PRKCB: variants seen among roughly 807,000 people sequenced by gnomAD.
The protein encoded by PRKCB is protein kinase C beta type.
Under a neutral mutation model 81.5 loss-of-function variants are expected in PRKCB, and 13 were observed. That is an observed-to-expected ratio of 0.16 (90% confidence interval 0.10 to 0.25). The LOEUF is 0.25. PRKCB is among the 10% of genes least tolerant of loss of function. The pLI is 1.00. For missense variants in PRKCB, 509 were observed against 875.7 expected (o/e 0.58, Z 5.29); for synonymous variants, 335 against 321.4 (o/e 1.04, Z -0.45).
intron 10 of PRKCB, among the ~76,000 whole-genome samples, chr16:24,159,181 G>A (rs1251880610): frequency 1.3e-5 from 2 of 152,150 alleles, no homozygotes; most frequent in African/African-American, 4.8e-5. Flanking sequence ...ACCATGCATG[G>A]GTCTTCAACA....
intron 16 of PRKCB, among the ~76,000 whole-genome samples, chr16:24,199,482 G>A (rs537201920): frequency 6.6e-6 from 1 of 152,146 alleles, no homozygotes; most frequent in Non-Finnish European, 1.5e-5. Flanking sequence ...TATGTTTGCT[G>A]TTAAAACTCC....
intron 4 of PRKCB, among the ~76,000 whole-genome samples, chr16:24,034,273 G>C (rs4787291): frequency 0.21 from 32,190 of 152,180 alleles, 3,817 homozygotes; most frequent in South Asian, 0.38. Context: ...TCTAGTTTTT[G>C]TAATAGGCCT....
chr16:23,846,915 C>G (rs1280335917), intron 2 of PRKCB, among the ~76,000 whole-genome samples: 1 of 151,940 alleles, frequency 6.6e-6, no homozygotes, highest in African/African-American at 2.4e-5. Context: ...TTGTTATTAC[C>G]TTTTAATTGC....
At chr16:24,189,048 A>C (rs921728209) in intron 15 of PRKCB, among the ~76,000 whole-genome samples, 1 of 152,188 alleles carries the variant, frequency 6.6e-6, no homozygotes, top group African/African-American at 2.4e-5. Context: ...CACAAATGTC[A>C]AGCCTTGGCT....
chr16:24,166,695 T>TC (rs1567399138), intron 10 of PRKCB, among the ~76,000 whole-genome samples: 1 of 152,178 alleles, frequency 6.6e-6, no homozygotes, highest in Non-Finnish European at 1.5e-5. Context: ...CTGTGGATTA[T>TC]CCACAGAAAC....
chr16:24,078,008 A>T (rs989702111), intron 5 of PRKCB, among the ~76,000 whole-genome samples: 2 of 152,212 alleles, frequency 1.3e-5, no homozygotes, highest in Admixed American at 6.5e-5. Flanking sequence ...GCTTCTGAAA[A>T]TTAAACCCAT....
chr16:23,883,466 T>C (rs773283637), intron 2 of PRKCB, among the ~76,000 whole-genome samples: 1 of 152,124 alleles, frequency 6.6e-6, no homozygotes, highest in Non-Finnish European at 1.5e-5. Flanking sequence ...GCCTCTGTGC[T>C]AAGTGCAGTG....
chr16:24,208,347 A>C (rs1968080186), intron 16 of PRKCB: 2 of 152,264 alleles, frequency 1.3e-5, no homozygotes. Flanking sequence ...ATTCAACAGC[A>C]AGACTCTGTT....
intron 5 of PRKCB, among the ~76,000 whole-genome samples, chr16:24,068,170 T>C (rs1966061624): frequency 6.6e-6 from 1 of 152,158 alleles, no homozygotes; most frequent in African/African-American, 2.4e-5. Context: ...TGAACCCCAA[T>C]TTTTGTTTCT....
At chr16:23,960,293 G>C (rs1049572219) in intron 2 of PRKCB, among the ~76,000 whole-genome samples, 13 of 152,056 alleles carry the variant, frequency 8.5e-5, no homozygotes, top group African/African-American at 2.9e-4. Flanking sequence ...CAGTACGGTG[G>C]TATCTTCAGA....
At chr16:24,169,520 C>G (rs139429613) in intron 10 of PRKCB, among the ~76,000 whole-genome samples, 1 of 152,170 alleles carries the variant, frequency 6.6e-6, no homozygotes, top group South Asian at 2.1e-4. Context: ...GAGGTGTGCT[C>G]TAGCCTCAGG....
At chr16:24,194,664 C>G (rs959301854) in intron 16 of PRKCB, among the ~76,000 whole-genome samples, 4 of 151,102 alleles carry the variant, frequency 2.6e-5, no homozygotes, top group African/African-American at 4.9e-5. Context: ...GAAAAGGTAG[C>G]TGTTATTATC....
chr16:23,895,886 T>C (rs927435534), intron 2 of PRKCB, among the ~76,000 whole-genome samples: 3 of 152,262 alleles, frequency 2.0e-5, no homozygotes, highest in Non-Finnish European at 2.9e-5. Flanking sequence ...TCCTATGTAA[T>C]ATTTTTATGC....
intron 7 of PRKCB, among the ~76,000 whole-genome samples, chr16:24,096,693 A>ATATATATATATATATG (rs1966449608): frequency 1.0e-5 from 1 of 98,274 alleles, no homozygotes; most frequent in South Asian, 3.5e-4. Context: ...ATATATATAT[A>ATATATATATATATATG]TATATATATA....
chr16:23,882,661 T>C (rs1963142230), intron 2 of PRKCB, among the ~76,000 whole-genome samples: 1 of 152,262 alleles, frequency 6.6e-6, no homozygotes, highest in Admixed American at 6.5e-5. Context: ...ACATTTTGCT[T>C]ATATATTAAT....
chr16:24,083,781 C>A (rs1371133018), intron 5 of PRKCB, among the ~76,000 whole-genome samples: 2 of 152,062 alleles, frequency 1.3e-5, no homozygotes, highest in African/African-American at 4.8e-5. Context: ...TCTATACATG[C>A]ATTAAAATGT....
chr16:24,026,017 C>A (rs1285632440), intron 3 of PRKCB, among the ~76,000 whole-genome samples: 1 of 152,218 alleles, frequency 6.6e-6, no homozygotes, highest in East Asian at 1.9e-4. Context: ...TGTGTTGAGA[C>A]TGGGTGTGGT....
At chr16:24,068,461 G>T (rs1966065431) in intron 5 of PRKCB, among the ~76,000 whole-genome samples, 1 of 142,096 alleles carries the variant, frequency 7.0e-6, no homozygotes. Flanking sequence ...GTTGAGAATT[G>T]ATTTATGGCC....
chr16:23,998,874 G>T (rs904181451), intron 3 of PRKCB, among the ~76,000 whole-genome samples: 1 of 152,174 alleles, frequency 6.6e-6, no homozygotes, highest in Non-Finnish European at 1.5e-5. Flanking sequence ...CTCTGTAAGT[G>T]GCATGAGACC....
Sources: allele counts gnomAD v4.1 joint callset (sites outside exome capture counted in the v4.1 genomes callset), GRCh38; gene constraint gnomAD v4.1.1; transcripts MANE v1.5; gene names NCBI Gene and HGNC (gene_info 2026-07-23, HGNC 2026-07-21).